The following MACROD1 variants were observed in gnomAD, a reference collection of about 807,000 sequenced individuals.
MACROD1 encodes mono-ADP ribosylhydrolase 1, also known as ADP-ribose glycohydrolase MACROD1.
In MACROD1, 31 loss-of-function variants were observed where a neutral mutation model predicts 41.4. The ratio of observed to expected loss-of-function variants is 0.75; its 90% CI spans 0.56 to 1.01. The LOEUF (loss-of-function observed/expected upper bound fraction) is 1.01, where lower values mean the gene tolerates loss of function less well. Among genes scored for constraint, MACROD1 ranks in the 50% least tolerant of loss-of-function variants. The probability of loss-of-function intolerance (pLI) is 0.00; values close to 1 mark genes in which losing one functional copy is unlikely to be tolerated. For missense variants in MACROD1, 473 were observed against 460.0 expected, an observed-to-expected ratio of 1.03 and a Z score of -0.26; for synonymous variants, 252 against 203.4, an observed-to-expected ratio of 1.24 and a Z score of -2.03.
chr11:64,000,003 G>A, intron 5 of MACROD1: 1 of 637,582 alleles, frequency 1.6e-6, no homozygotes, highest in Non-Finnish European at 2.7e-6. Flanking sequence ...GCGAGTGTGG[G>A]CGCGAAGGCG....
chr11:64,019,875 A>G (rs1333728792), intron 3 of MACROD1, among the ~76,000 whole-genome samples: 1 of 152,086 alleles, frequency 6.6e-6, no homozygotes, highest in East Asian at 1.9e-4. Flanking sequence ...TTGAAGGATA[A>G]GAAGGAAAGG....
intron 4 of MACROD1, among the ~76,000 whole-genome samples, chr11:64,013,457 G>A (rs1943041967): frequency 6.6e-6 from 1 of 152,258 alleles, no homozygotes; most frequent in Admixed American, 6.5e-5. Context: ...CCCGGAGGCA[G>A]GAGTGGGCGG....
chr11:64,000,075 T>C (rs1465920598), intron 5 of MACROD1, 152 bp downstream of exon 5: 6 of 657,378 alleles, frequency 9.1e-6, no homozygotes, highest in Non-Finnish European at 1.5e-5. Context: ...TCCTGGGGTG[T>C]GCGGGGTGGG....
intron 3 of MACROD1, among the ~76,000 whole-genome samples, chr11:64,019,407 TCCCGGCCCTCCTCTG>T (rs1943124287): frequency 1.3e-5 from 2 of 152,144 alleles, no homozygotes; most frequent in South Asian, 4.1e-4. Flanking sequence ...ACACCCCTCC[TCCCGGCCCTCCTCTG>T]CCCCAGCACT....
chr11:64,093,537 G>T (rs1944526831), intron 3 of MACROD1, among the ~76,000 whole-genome samples: 1 of 152,224 alleles, frequency 6.6e-6, no homozygotes, highest in Non-Finnish European at 1.5e-5. Flanking sequence ...TCTCTGCCTG[G>T]TACAGATTTC....
At chr11:64,039,717 TCGCTC>T (rs1943449504) in intron 3 of MACROD1, among the ~76,000 whole-genome samples, 2 of 152,224 alleles carry the variant, frequency 1.3e-5, no homozygotes, top group Non-Finnish European at 2.9e-5. Flanking sequence ...CTGTTTACCA[TCGCTC>T]GAGGCCCCCA....
intron 3 of MACROD1, among the ~76,000 whole-genome samples, chr11:64,048,473 G>T (rs898936697): frequency 9.2e-5 from 14 of 152,170 alleles, no homozygotes; most frequent in Non-Finnish European, 8.8e-5. Flanking sequence ...GGTTGCCAGG[G>T]ACCCAGGAGC....
At chr11:64,002,214 C>G (rs190805804) in intron 4 of MACROD1, among the ~76,000 whole-genome samples, 2 of 152,174 alleles carry the variant, frequency 1.3e-5, no homozygotes, top group Non-Finnish European at 2.9e-5. Context: ...CCTCCCGGGT[C>G]GAGCACCTGG....
intron 3 of MACROD1, among the ~76,000 whole-genome samples, chr11:64,043,976 G>A (rs568623427): frequency 5.9e-5 from 9 of 152,168 alleles, no homozygotes; most frequent in African/African-American, 2.2e-4. Context: ...ACCACGCCGG[G>A]CTAATTTTTC....
chr11:64,080,411 C>A (rs753924944), intron 3 of MACROD1, among the ~76,000 whole-genome samples: 1 of 152,128 alleles, frequency 6.6e-6, no homozygotes, highest in Non-Finnish European at 1.5e-5. Context: ...TAGAATTCAG[C>A]GGGTTTTTTT....
intron 3 of MACROD1, among the ~76,000 whole-genome samples, chr11:64,147,425 C>G (rs1007700549): frequency 2.0e-5 from 3 of 150,482 alleles, no homozygotes; most frequent in African/African-American, 7.4e-5. Flanking sequence ...GAGTCTCACT[C>G]TGTTGCCCAG....
chr11:64,057,178 C>T (rs570481038), intron 3 of MACROD1, among the ~76,000 whole-genome samples: 28 of 152,316 alleles, frequency 1.8e-4, no homozygotes, highest in Non-Finnish European at 1.5e-4. Flanking sequence ...ACAGCCAGCC[C>T]CGTGTTTATA....
chr11:64,159,427 C>T (rs999243768), intron 1 of MACROD1, among the ~76,000 whole-genome samples: 5 of 151,942 alleles, frequency 3.3e-5, no homozygotes, highest in African/African-American at 4.8e-5. Flanking sequence ...GTCTGGGTGG[C>T]GGAGGCTGCA....
At chr11:64,148,239 G>C (rs1282545864) in intron 3 of MACROD1, among the ~76,000 whole-genome samples, 1 of 152,144 alleles carries the variant, frequency 6.6e-6, no homozygotes, top group Non-Finnish European at 1.5e-5. Flanking sequence ...GATGGAGGAG[G>C]GTGGGGGGTT....
intron 3 of MACROD1, among the ~76,000 whole-genome samples, chr11:64,031,036 A>C (rs1342522596): frequency 6.6e-6 from 1 of 152,022 alleles, no homozygotes; most frequent in Non-Finnish European, 1.5e-5. Flanking sequence ...CCCTTGTTTC[A>C]AGGCCTGGGG....
chr11:64,052,973 C>A (rs1943721417), intron 3 of MACROD1, among the ~76,000 whole-genome samples: 2 of 152,370 alleles, frequency 1.3e-5, no homozygotes, highest in African/African-American at 4.8e-5. Context: ...CCCCTGGCTG[C>A]AACCTGCCTG....
chr11:64,047,473 G>A (rs1012242153), intron 3 of MACROD1, among the ~76,000 whole-genome samples: 1 of 152,136 alleles, frequency 6.6e-6, no homozygotes, highest in Non-Finnish European at 1.5e-5. Flanking sequence ...GCAGGTGGAG[G>A]AGTGACCAGC....
chr11:64,132,945 T>C (rs1945285831), intron 3 of MACROD1, among the ~76,000 whole-genome samples: 1 of 152,186 alleles, frequency 6.6e-6, no homozygotes, highest in Admixed American at 6.5e-5. Context: ...GAGTTAGCTC[T>C]GGAACCAGGT....
intron 3 of MACROD1, among the ~76,000 whole-genome samples, chr11:64,069,929 C>T (rs1471703481): frequency 6.6e-6 from 1 of 152,122 alleles, no homozygotes; most frequent in Non-Finnish European, 1.5e-5. Context: ...GCACATGTCA[C>T]CCTGAGCCCG....
Sources: allele counts gnomAD v4.1 joint callset (sites outside exome capture counted in the v4.1 genomes callset), GRCh38; gene constraint gnomAD v4.1.1; transcripts MANE v1.5; gene names NCBI Gene and HGNC (gene_info 2026-07-23, HGNC 2026-07-21).